Variants in RIT2 observed in about 807,000 individuals in gnomAD.
The protein encoded by RIT2 is GTP-binding protein Rit2.
RIT2 carries 24 observed loss-of-function variants against 23.7 expected under a neutral mutation model. The ratio of observed to expected loss-of-function variants is 1.01; its 90% CI spans 0.73 to 1.43. RIT2 has a LOEUF of 1.43. Ranked by LOEUF, RIT2 falls within the 40% of genes most tolerant of loss-of-function variation. The pLI is 0.00. For synonymous variants in RIT2, 107 were observed against 91.1 expected (o/e 1.17, Z -0.99); for missense variants, 236 against 266.9 (o/e 0.88, Z 0.81).
chr18:43,050,451 G>T (rs1912353100), intron 1 of RIT2, among the ~76,000 whole-genome samples: 1 of 152,132 alleles, frequency 6.6e-6, no homozygotes, highest in South Asian at 2.1e-4. Flanking sequence ...GAGAAAAGGT[G>T]AAGGCTGCAC....
At chr18:42,904,509 A>T (rs918889885) in intron 4 of RIT2, among the ~76,000 whole-genome samples, 2 of 152,150 alleles carry the variant, frequency 1.3e-5, no homozygotes, top group African/African-American at 4.8e-5. Flanking sequence ...GAGGTCTGGG[A>T]GGTAACTGTT....
At chr18:43,087,627 C>T (rs573175796) in intron 1 of RIT2, among the ~76,000 whole-genome samples, 1 of 152,278 alleles carries the variant, frequency 6.6e-6, no homozygotes, top group South Asian at 2.1e-4. Context: ...CATTTTATTT[C>T]AAAGGTGTCC....
In RIT2 at chr18:42,983,564, C is replaced by G. The variant is rs1478926058; in HGVS notation, c.161-9417G>C. Reference sequence around the variant, plus strand: ...AGACTCCATTAACATGAGGAAAAGACCAGCTAGAACAGCAGAAAATATTTG... The same window carrying G: ...AGACTCCATTAACATGAGGAAAAGAGCAGCTAGAACAGCAGAAAATATTTG... On this transcript the variant is annotated intron_variant, in intron 2 of 4. Coordinates refer to ENST00000326695, the MANE Select transcript of RIT2 (RefSeq NM_002930.4). Among the ~76,000 whole-genome samples the G allele has an allele frequency of 3.3e-5, 5 of 151,958 alleles. No individual in the cohort carries two copies. In the East Asian group the frequency reaches 9.6e-4, roughly 29 times the overall value.
intron 1 of RIT2, among the ~76,000 whole-genome samples, chr18:43,114,011 C>T (rs1429122447): frequency 3.3e-5 from 5 of 152,096 alleles, no homozygotes; most frequent in Non-Finnish European, 4.4e-5. Context: ...CATGTTGTCT[C>T]TATCCTTCCT....
rs536162834 is a variant in RIT2, at chr18:43,046,989, T to C, written c.104-13122A>G. ...GATCAAAAAGTTTGAGTGCCACTGA[T>C]CTAAGGTAAAACTTCACCCTTCCAA... On this transcript the variant is annotated intron_variant, in intron 1 of 4. Transcript: ENST00000326695. Among the ~76,000 whole-genome samples, 35 of 152,240 alleles carry C rather than the reference T, an allele frequency of 2.3e-4. No individual in the cohort carries two copies. The South Asian group carries it at 2.9e-3, about 13-fold the overall frequency.
chr18:43,027,274 G>A (rs1159074907), intron 2 of RIT2, among the ~76,000 whole-genome samples: 2 of 152,112 alleles, frequency 1.3e-5, no homozygotes, highest in African/African-American at 4.8e-5. Flanking sequence ...TAGCAAGGCA[G>A]TGGAGAAATG....
At chr18:42,850,563 T>C (rs1907025808) in intron 4 of RIT2, among the ~76,000 whole-genome samples, 2 of 152,184 alleles carry the variant, frequency 1.3e-5, no homozygotes, top group African/African-American at 4.8e-5. Flanking sequence ...GGGAAGATTA[T>C]TGAGAATGAA....
chr18:42,766,480 C>T (rs997913470), intron 4 of RIT2, among the ~76,000 whole-genome samples: 4 of 152,136 alleles, frequency 2.6e-5, no homozygotes, highest in Non-Finnish European at 4.4e-5. Context: ...TTCTAAGCAG[C>T]AAAGCATTCA....
chr18:42,980,423 A>G (rs1910572796), intron 2 of RIT2, among the ~76,000 whole-genome samples: 1 of 152,060 alleles, frequency 6.6e-6, no homozygotes. Flanking sequence ...ATCTATTTAT[A>G]TAGATGGAAT....
chr18:42,948,507 T>C lies in RIT2; in HGVS notation c.235-24744A>G, dbSNP rs182661490. Among the ~76,000 whole-genome samples, 1,028 of 152,144 alleles carry C rather than the reference T, an allele frequency of 6.8e-3. 6 individuals carry two copies. The highest frequency in any genetic ancestry group is 9.7e-3 in the Non-Finnish European group (658 of 67,978). Reference sequence around the variant, plus strand: ...TAAGAATGGGACACATCAGATGGGATGACAAGAATTGAAGTCAGGACATAA... The same window carrying C: ...TAAGAATGGGACACATCAGATGGGACGACAAGAATTGAAGTCAGGACATAA... On this transcript the variant is annotated intron_variant, in intron 3 of 4. Transcript: ENST00000326695.
At chr18:42,760,080 A>AT (rs1250858771) in intron 4 of RIT2, among the ~76,000 whole-genome samples, 1 of 152,144 alleles carries the variant, frequency 6.6e-6, no homozygotes, top group Non-Finnish European at 1.5e-5. Context: ...CCTGGCCTAT[A>AT]TTTTTAAAAT....
chr18:43,021,683 C>G (rs1911600905), intron 2 of RIT2, among the ~76,000 whole-genome samples: 1 of 152,026 alleles, frequency 6.6e-6, no homozygotes, highest in Non-Finnish European at 1.5e-5. Flanking sequence ...CTGCTCCAGC[C>G]ATGTAAAACG....
intron 4 of RIT2, among the ~76,000 whole-genome samples, chr18:42,795,059 G>A (rs956006264): frequency 4.6e-5 from 7 of 152,338 alleles, no homozygotes; most frequent in Non-Finnish European, 8.8e-5. Context: ...TCCGCTCCTG[G>A]TCGCACTGAG....
intron 3 of RIT2, among the ~76,000 whole-genome samples, chr18:42,973,728 A>T (rs1598735124): frequency 6.6e-6 from 1 of 151,900 alleles, no homozygotes; most frequent in South Asian, 2.1e-4. Flanking sequence ...TGCTAAGCAG[A>T]TCTTTCTTTA....
chr18:42,990,714 G>A (rs902440222), intron 2 of RIT2, among the ~76,000 whole-genome samples: 1 of 152,100 alleles, frequency 6.6e-6, no homozygotes, highest in Non-Finnish European at 1.5e-5. Context: ...ATTGTGTCTA[G>A]CACTCTGCTC....
At chr18:42,921,524 CT>C (rs2144131383) in intron 4 of RIT2, among the ~76,000 whole-genome samples, 1 of 152,128 alleles carries the variant, frequency 6.6e-6, no homozygotes, top group African/African-American at 2.4e-5. Flanking sequence ...ATAAACATGC[CT>C]TTGTGAGATC....
intron 4 of RIT2, among the ~76,000 whole-genome samples, chr18:42,825,765 CA>C (rs1451096071): frequency 6.6e-5 from 10 of 151,666 alleles, no homozygotes; most frequent in East Asian, 5.8e-4. Flanking sequence ...TTAAATGGAT[CA>C]AAAAAATATA....
chr18:42,838,045 C>A (rs1461849470), intron 4 of RIT2, among the ~76,000 whole-genome samples: 1 of 152,068 alleles, frequency 6.6e-6, no homozygotes, highest in African/African-American at 2.4e-5. Context: ...ACTGATTAAC[C>A]CCATCTCTAA....
chr18:42,894,192 G>C (rs1908260168), intron 4 of RIT2, among the ~76,000 whole-genome samples: 1 of 152,154 alleles, frequency 6.6e-6, no homozygotes, highest in Admixed American at 6.5e-5. Flanking sequence ...CAGGATGTTG[G>C]CATAGTCAAT....
Sources: allele counts gnomAD v4.1 joint callset (sites outside exome capture counted in the v4.1 genomes callset), GRCh38; gene constraint gnomAD v4.1.1; transcripts MANE v1.5; gene names NCBI Gene and HGNC (gene_info 2026-07-23, HGNC 2026-07-21).